Variants in PDZD2 observed in about 807,000 individuals in gnomAD.
PDZD2 encodes the protein PDZ domain-containing protein 2.
In PDZD2, 90 loss-of-function variants were observed where a neutral mutation model predicts 220.7. That is an observed-to-expected ratio of 0.41 (90% CI 0.34 to 0.49). The LOEUF (loss-of-function observed/expected upper bound fraction) is 0.49. PDZD2 is among the 20% of genes least tolerant of loss of function. The pLI, the probability that PDZD2 is intolerant of heterozygous loss-of-function variation, is 0.28. For missense variants in PDZD2, 3,174 were observed against 3,608.5 expected, an observed-to-expected ratio of 0.88 and a Z score of 3.08; for synonymous variants, 1,375 against 1,450.5, an observed-to-expected ratio of 0.95 and a Z score of 1.18.
chr5:31,984,148 G>C (rs1750526101), intron 3 of PDZD2, among the ~76,000 whole-genome samples: 3 of 152,154 alleles, frequency 2.0e-5, no homozygotes. Context: ...TTTATTTTTA[G>C]CAGTTCAAAA....
chr5:32,053,915 A>T, intron 10 of PDZD2, 32 bp downstream of exon 10: 1 of 1,201,290 alleles, frequency 8.3e-7, no homozygotes, highest in South Asian at 1.2e-5. Context: ...CCTCAGTGAC[A>T]GTGACTTTGA....
chr5:31,728,527 G>C (rs1379039137), intron 1 of PDZD2, among the ~76,000 whole-genome samples: 1 of 152,176 alleles, frequency 6.6e-6, no homozygotes, highest in South Asian at 2.1e-4. Context: ...TGCTCCTTGC[G>C]AGTGCTAATG....
intron 2 of PDZD2, among the ~76,000 whole-genome samples, chr5:31,855,862 T>A (rs1409706218): frequency 6.6e-6 from 1 of 152,208 alleles, no homozygotes; most frequent in African/African-American, 2.4e-5. Flanking sequence ...AGCTCCTCTC[T>A]ACTAGGTAGT....
intron 7 of PDZD2, 112 bp downstream of exon 7, chr5:32,037,454 A>C: frequency 1.5e-6 from 1 of 654,494 alleles, no homozygotes; most frequent in Non-Finnish European, 2.7e-6. Flanking sequence ...AAACCTCAAA[A>C]TCATTTTTAC....
At chr5:31,718,954 C>A (rs1748619878) in intron 1 of PDZD2, among the ~76,000 whole-genome samples, 1 of 152,166 alleles carries the variant, frequency 6.6e-6, no homozygotes, top group East Asian at 1.9e-4. Flanking sequence ...TCTGCCTTGG[C>A]CTCCCAAAGT....
chr5:31,797,094 A>ATTTTTTTTTTTTTTTTT (rs756548601), intron 1 of PDZD2, among the ~76,000 whole-genome samples: 2 of 66,546 alleles, frequency 3.0e-5, no homozygotes, highest in African/African-American at 1.4e-4. Flanking sequence ...CACCCAGCTA[A>ATTTTTTTTTTTTTTTTT]TTTTTTTTTT....
chr5:31,864,892 A>T (rs1363989246), intron 2 of PDZD2, among the ~76,000 whole-genome samples: 1 of 117,176 alleles, frequency 8.5e-6, no homozygotes, highest in Non-Finnish European at 1.6e-5. Flanking sequence ...TCTGTCGCCC[A>T]GGCTAGTGTG....
At position 31,849,739 on chromosome 5, in the gene PDZD2, G is replaced by A. The variant is rs1757803414; in HGVS notation, c.476+50015G>A. On this transcript the variant is annotated intron_variant, in intron 2 of 24. Transcript: ENST00000438447. ...TGCGCCTGTAATCCCAGCTACTATGGAGGCTGAGGCAGGAGAATTGCTTGA... is the reference window on the plus strand; with the variant it reads ...TGCGCCTGTAATCCCAGCTACTATGAAGGCTGAGGCAGGAGAATTGCTTGA... 5.3e-5 allele frequency among the ~76,000 whole-genome samples: 8 copies of A among 151,092 alleles called. No homozygotes were observed. The South Asian group carries it at 1.7e-3, about 32-fold the overall frequency.
At position 31,655,329 on chromosome 5, in the gene PDZD2, C is replaced by T. The variant is rs182304480; in HGVS notation, c.-361+15892C>T. 3.5e-4 allele frequency among the ~76,000 whole-genome samples: 54 copies of T among 152,220 alleles called. No homozygotes were observed. In the East Asian group the frequency reaches 9.1e-3, roughly 26 times the overall value. ...CTGAGATTACAGATGCACACCACCA[C>T]GCCCAGCTAATTTTCTGTATTTTTA... On this transcript the variant is annotated intron_variant, in intron 1 of 24. Coordinates refer to ENST00000438447, the MANE Select transcript of PDZD2 (RefSeq NM_178140.4).
intron 1 of PDZD2, among the ~76,000 whole-genome samples, chr5:31,726,862 A>G (rs1304222226): frequency 6.6e-6 from 1 of 152,212 alleles, no homozygotes; most frequent in Non-Finnish European, 1.5e-5. Flanking sequence ...GGTAAATTAT[A>G]AAGAAAAGAG....
chr5:32,028,587 C>T (rs1278084494), intron 6 of PDZD2, among the ~76,000 whole-genome samples: 3 of 151,242 alleles, frequency 2.0e-5, no homozygotes, highest in African/African-American at 4.9e-5. Flanking sequence ...ATTTCCTTGA[C>T]TTTTTGTGTT....
chr5:31,924,355 T>C (rs1188829075), intron 2 of PDZD2, among the ~76,000 whole-genome samples: 1 of 152,234 alleles, frequency 6.6e-6, no homozygotes, highest in African/African-American at 2.4e-5. Context: ...GTACAGCTAC[T>C]GTGAGGAGTA....
chr5:31,853,057 A>G (rs370807177), intron 2 of PDZD2, among the ~76,000 whole-genome samples: 6 of 152,326 alleles, frequency 3.9e-5, no homozygotes, highest in African/African-American at 1.4e-4. Flanking sequence ...AAAATTATTC[A>G]ATTTGAACTT....
rs1335048712 is a variant in PDZD2, at chr5:31,849,875, T to C, written c.476+50151T>C. 6.8e-4 allele frequency among the ~76,000 whole-genome samples: 30 copies of C among 44,052 alleles called. 1 individual carries two copies. The highest frequency in any genetic ancestry group is 5.8e-3 in the African/African-American group (25 of 4,296). 28.9% of individuals were successfully genotyped at this position (44,052 alleles called of 152,430 possible). A position where few individuals can be genotyped will look rare whatever the true frequency, so the allele number is the denominator to read the frequency against. ...TCTCTCTCTCATATATATATACATA[T>C]ATATATATATATACACATATATATA... On this transcript the variant is annotated intron_variant, in intron 2 of 24. Transcript: ENST00000438447.
intron 21 of PDZD2, 51 bp downstream of exon 21, chr5:32,093,075 C>A: frequency 1.1e-6 from 1 of 946,598 alleles, no homozygotes; most frequent in East Asian, 2.4e-5. Flanking sequence ...CGCGTGAGTG[C>A]CCAGGTATGT....
At chr5:31,712,582 G>A (rs996091408) in intron 1 of PDZD2, among the ~76,000 whole-genome samples, 4 of 152,044 alleles carry the variant, frequency 2.6e-5, no homozygotes, top group Non-Finnish European at 5.9e-5. Flanking sequence ...TTACATGGCA[G>A]CTCATGGCTC....
intron 1 of PDZD2, among the ~76,000 whole-genome samples, chr5:31,788,204 C>G (rs1217582841): frequency 2.0e-5 from 3 of 151,386 alleles, no homozygotes; most frequent in Admixed American, 6.6e-5. Flanking sequence ...AACCCTCTCT[C>G]TACTAAAAAT....
chr5:31,722,476 T>C (rs1358389735), intron 1 of PDZD2, among the ~76,000 whole-genome samples: 1 of 152,056 alleles, frequency 6.6e-6, no homozygotes, highest in Non-Finnish European at 1.5e-5. Context: ...TATTACAGCA[T>C]GTTTTCTTAA....
In PDZD2 at chr5:32,012,384, A is replaced by AT. The variant is rs762821901; in HGVS notation, c.1407+1911dup. Among the ~76,000 whole-genome samples the AT allele has an allele frequency of 6.3e-4, 96 of 151,316 alleles. 1 individual carries two copies. Among genetic ancestry groups the AT allele is most frequent in the African/African-American group, 1.7e-3 (70 of 41,236 alleles). On this transcript the variant is annotated intron_variant, in intron 6 of 24. Coordinates refer to ENST00000438447, the MANE Select transcript of PDZD2 (RefSeq NM_178140.4). ...AAGCACGCATATTTTTTAAAAAATT[A>AT]TTTTTTTTTGTTTTTTAGAGACGGA...
Sources: allele counts gnomAD v4.1 joint callset (sites outside exome capture counted in the v4.1 genomes callset), GRCh38; gene constraint gnomAD v4.1.1; transcripts MANE v1.5; gene names NCBI Gene and HGNC (gene_info 2026-07-23, HGNC 2026-07-21).